Variants in C19orf67 observed in about 807,000 individuals in gnomAD.
C19orf67 encodes the protein chromosome 19 open reading frame 67, also known as UPF0575 protein C19orf67.
Under a neutral mutation model 41.4 loss-of-function variants are expected in C19orf67, and 28 were observed. That is an observed-to-expected ratio of 0.68 (90% CI 0.50 to 0.93). C19orf67 has a LOEUF of 0.93. Among genes scored for constraint, C19orf67 ranks in the 40% least tolerant of loss-of-function variants. C19orf67 has a pLI of 0.00. For synonymous variants in C19orf67, 242 were observed against 203.4 expected, an observed-to-expected ratio of 1.19 and a Z score of -1.62; for missense variants, 421 against 467.0, an observed-to-expected ratio of 0.90 and a Z score of 0.91.
intron 4 of C19orf67, 49 bp downstream of exon 4, chr19:14,083,188 G>A (rs1288658426): frequency 6.8e-7 from 1 of 1,462,874 alleles, no homozygotes; most frequent in Admixed American, 2.0e-5. Context: ...GGTCATATTG[G>A]CATTCATCAT....
chr19:14,085,227 C>T lies in C19orf67; in HGVS notation c.335+66G>A, dbSNP rs1186645140. ...AATTTTGCGACCCTGGTGTGTGTCA[C>T]CCATCCTGTCGCCTCCCCTCCAAGT... On this transcript the variant is annotated intron_variant, in intron 1 of 5. Coordinates refer to ENST00000548523, the MANE Select transcript of C19orf67 (RefSeq NM_001277378.2). 3 of 1,362,168 alleles carry T rather than the reference C, an allele frequency of 2.2e-6. No individual in the cohort carries two copies. The South Asian group carries it at 3.8e-5, about 17-fold the overall frequency. 84.4% of individuals were successfully genotyped at this position (1,362,168 alleles called of 1,614,324 possible).
At chr19:14,085,197 C>T in intron 1 of C19orf67, 96 bp downstream of exon 1, 1 of 929,280 alleles carries the variant, frequency 1.1e-6, no homozygotes, top group Non-Finnish European at 1.7e-6. Context: ...GCTCCTAGCG[C>T]TTGTAATTTT....
chr19:14,082,071 C>T (rs1976776004), intron 5 of C19orf67, 63 bp from the exon 6 acceptor site: 1 of 1,350,686 alleles, frequency 7.4e-7, no homozygotes, highest in Non-Finnish European at 9.7e-7. Context: ...CCTCGGGAGT[C>T]CCTCCCTTTG....
chr19:14,085,283 C>G lies in C19orf67; in HGVS notation c.335+10G>C. ...TACCCATGGGGACCTGGGACCCTGT[C>G]CAGCATCACCTGTAGAGCAAGTAGC... On this transcript the variant is annotated intron_variant, in intron 1 of 5. Transcript: ENST00000548523. 1 of 1,535,686 alleles carries G rather than the reference C, an allele frequency of 6.5e-7. No homozygotes were observed. The highest frequency in any genetic ancestry group is 8.7e-7 in the Non-Finnish European group (1 of 1,146,536).
chr19:14,084,753 C>T (rs1386605580), intron 1 of C19orf67, among the ~76,000 whole-genome samples: 1 of 151,918 alleles, frequency 6.6e-6, no homozygotes, highest in East Asian at 1.9e-4. Context: ...CAGAGAATTG[C>T]TTCAATCCGG....
In C19orf67 at chr19:14,083,338, G is replaced by A. The variant is rs1730866881; in HGVS notation, c.666C>T (p.Tyr222=). Residue 222 remains tyrosine (Y), a synonymous_variant, in exon 4 of 6, where the codon TAC becomes TAT. Coordinates refer to ENST00000548523, the MANE Select transcript of C19orf67 (RefSeq NM_001277378.2). ...SIFRYCAPTA[Y]TASRFPRYLY... ...GGTAGCGGGGGAAGCGGCTGGCAGT[G>A]TAGGCGGTTGGGGCACAGTATCTGA... 3.9e-6 allele frequency: 6 copies of A among 1,536,076 alleles called. No individual in the cohort carries two copies. Among genetic ancestry groups the A allele is most frequent in the Non-Finnish European group, 5.2e-6 (6 of 1,146,884 alleles).
chr19:14,082,366 CTACT>C, intron 5 of C19orf67, 99 bp downstream of exon 5: 1 of 1,317,814 alleles, frequency 7.6e-7, no homozygotes, highest in Non-Finnish European at 1.0e-6. Context: ...AATGCTATCA[CTACT>C]AAGGGAAGCA....
At position 14,081,639 on chromosome 19, in the gene C19orf67, T is replaced by C. The variant is rs1240341354; in HGVS notation, c.*195A>G. The C allele has an allele frequency of 4.6e-6, 2 of 431,676 alleles. No individual in the cohort carries two copies. Among genetic ancestry groups the C allele is most frequent in the Non-Finnish European group, 8.1e-6 (2 of 247,024 alleles). 26.7% of individuals were successfully genotyped at this position (431,676 alleles called of 1,614,324 possible). A position where few individuals can be genotyped will look rare whatever the true frequency, so the allele number is the denominator to read the frequency against. ...TGAGCCTGTGACCTCTTTCTTTCTTTTATTTAACACAAAACTGACGTGTCC... is the reference window on the plus strand; with the variant it reads ...TGAGCCTGTGACCTCTTTCTTTCTTCTATTTAACACAAAACTGACGTGTCC... On this transcript the variant is annotated 3_prime_UTR_variant, in exon 6 of 6. Coordinates refer to ENST00000548523, the MANE Select transcript of C19orf67 (RefSeq NM_001277378.2).
chr19:14,083,207 G>C, intron 4 of C19orf67, 30 bp downstream of exon 4: 1 of 1,523,270 alleles, frequency 6.6e-7, no homozygotes, highest in East Asian at 2.4e-5. Flanking sequence ...ATAGAAAGGG[G>C]AGGACTTTGA....
Position 14,085,701 on chromosome 19 carries a change from C to T in C19orf67, c.-74G>A, listed in dbSNP as rs1450552036. On this transcript the variant is annotated 5_prime_UTR_variant, in exon 1 of 6. Coordinates refer to ENST00000548523, the MANE Select transcript of C19orf67 (RefSeq NM_001277378.2). ...CTCAGGTTGGCCGCGGGTTCGACCC[C>T]GCCCCGGGAGCCTCCGACTGGCCCC... 2.6e-6 allele frequency: 3 copies of T among 1,152,804 alleles called. No homozygotes were observed. The highest frequency in any genetic ancestry group is 2.6e-5 in the East Asian group (1 of 39,202). The allele number at this position is 1,152,804 out of a possible 1,614,324, so 71.4% of individuals were successfully genotyped here.
rs148517828 is a variant in C19orf67, at chr19:14,082,471, T to C, written c.900A>G (p.Ser300=). 5.4e-3 allele frequency: 8,346 copies of C among 1,533,250 alleles called. 35 individuals are homozygous for C. Among genetic ancestry groups the C allele is most frequent in the Admixed American group, 0.013 (682 of 50,600 alleles). The allele number at this position is 1,533,250 out of a possible 1,614,324, so 95.0% of individuals were successfully genotyped here. A position where few individuals can be genotyped will look rare whatever the true frequency, so the allele number is the denominator to read the frequency against. Residue 300 remains serine (S), a splice_region_variant and synonymous_variant, in exon 5 of 6, where the codon TCA becomes TCG. Transcript: ENST00000548523. ...GTTGCTATTGCCCTAGCTCCTACCA[T>C]GAATAAAGGTCATCCTCGGCTGGTC... ...PLGPAEDDLY[S]WILCPQPLGD... is the part of the protein sequence containing the mutation.
Position 14,081,975 on chromosome 19 carries a change from C to A in C19orf67, c.936G>T (p.Gln312His). The part of the protein sequence containing the change: ...ILCPQPLGDY[Q>H]QLLTIGFEEP... ...CCTCGAAGCCGATGGTCAGCAGCTG[C>A]TGGTAGTCCCCAAGCGGCTGCGGGC... Residue 312 changes from glutamine to histidine, a missense_variant, in exon 6 of 6, where the codon CAG becomes CAT. Physicochemically the swap from Gln to His is conservative, Grantham distance 24 (BLOSUM62 0). Coordinates refer to ENST00000548523, the MANE Select transcript of C19orf67 (RefSeq NM_001277378.2). The A allele has an allele frequency of 6.6e-7, 1 of 1,525,892 alleles. No homozygotes were observed. The allele number at this position is 1,525,892 out of a possible 1,614,324, so 94.5% of individuals were successfully genotyped here.
At position 14,085,475 on chromosome 19, in the gene C19orf67, A is replaced by G. The variant is rs1163714750; in HGVS notation, c.153T>C (p.Pro51=). 6.5e-7 allele frequency: 1 copy of G among 1,535,312 alleles called. No individual in the cohort carries two copies. Among genetic ancestry groups the G allele is most frequent in the African/African-American group, 1.4e-5 (1 of 73,010 alleles). Residue 51 remains proline, a synonymous_variant, in exon 1 of 6, where the codon CCT becomes CCC. Coordinates refer to ENST00000548523, the MANE Select transcript of C19orf67 (RefSeq NM_001277378.2). ...GRPGNPSEPD[P]EDAEGRLAEA... is the part of the protein sequence containing the mutation. ...CAGCCAGCCGCCCCTCGGCATCTTC[A>G]GGATCCGGCTCAGATGGGTTCCCAG...
At chr19:14,083,998 A>C (rs1976813370) in intron 1 of C19orf67, 121 bp from the exon 2 acceptor site, 3 of 954,728 alleles carry the variant, frequency 3.1e-6, no homozygotes, top group Non-Finnish European at 4.1e-6. Context: ...AAAAGCCCCC[A>C]GTTTCAGGTC....
At chr19:14,084,668 T>TA (rs1350584237) in intron 1 of C19orf67, among the ~76,000 whole-genome samples, 2 of 151,988 alleles carry the variant, frequency 1.3e-5, no homozygotes, top group East Asian at 3.9e-4. Context: ...CTGTCTCTAC[T>TA]AAGAAAAGAA....
intron 1 of C19orf67, among the ~76,000 whole-genome samples, chr19:14,084,700 T>C (rs934388258): frequency 7.3e-5 from 11 of 151,106 alleles, no homozygotes; most frequent in African/African-American, 2.7e-4. Context: ...GGGCAACACA[T>C]GTTGGTGGGC....
At position 14,082,559 on chromosome 19, in the gene C19orf67, C is replaced by CT. The variant is rs1568518026; in HGVS notation, c.811dup (p.Ser271LysfsTer27). On this transcript the variant is annotated frameshift_variant, in exon 5 of 6. Transcript: ENST00000548523. LOFTEE classifies it high-confidence loss of function. ...GATCTGTGGGCACGAATTGGCTGGA[C>CT]TCTGGCCTGTGTCTTCCCAAGTATC... 1.1e-5 allele frequency: 17 copies of CT among 1,536,302 alleles called. No homozygotes were observed. Among genetic ancestry groups the CT allele is most frequent in the Non-Finnish European group, 1.5e-5 (17 of 1,146,944 alleles).
At position 14,085,373 on chromosome 19, in the gene C19orf67, G is replaced by A. The variant is rs1474498047; in HGVS notation, c.255C>T (p.Asp85=). Residue 85 remains aspartate, a synonymous_variant, in exon 1 of 6, where the codon GAC becomes GAT. Coordinates refer to ENST00000548523, the MANE Select transcript of C19orf67 (RefSeq NM_001277378.2). The stretch of plus-strand genomic sequence containing the variant: ...GTTGGGTGATGGGGCTGAACAAAGT[G>A]TCCAGGGATAGGCGGGGAGGTGCTG... ...PGPAPPRLSL[D]TLFSPITQQL... 4 of 1,536,102 alleles carry A rather than the reference G, an allele frequency of 2.6e-6. No individual in the cohort carries two copies. The highest frequency in any genetic ancestry group is 3.9e-5 in the Admixed American group (2 of 50,980).
At position 14,083,368 on chromosome 19, in the gene C19orf67, G is replaced by A. The variant is rs1400472422; in HGVS notation, c.636C>T (p.Ser212=). 8.5e-6 allele frequency: 13 copies of A among 1,535,636 alleles called. No individual in the cohort carries two copies. Among genetic ancestry groups the A allele is most frequent in the Non-Finnish European group, 9.6e-6 (11 of 1,146,722 alleles). ...CGGTTGGGGCACAGTATCTGAAGATGGAGACCTCATGGGACAGGCTGATGG... is the reference window on the plus strand; with the variant it reads ...CGGTTGGGGCACAGTATCTGAAGATAGAGACCTCATGGGACAGGCTGATGG... ...RFSISLSHEV[S]IFRYCAPTAY... Residue 212 remains serine (S), a synonymous_variant, in exon 4 of 6, where the codon TCC becomes TCT. Transcript: ENST00000548523.
Sources: gnomAD v4.1 joint callset for allele counts (sites outside exome capture counted in the v4.1 genomes callset) on GRCh38, gnomAD v4.1.1 for gene constraint, MANE v1.5 for transcripts, NCBI Gene and HGNC (gene_info 2026-07-23, HGNC 2026-07-21) for gene names.